The following STPG2 variants were observed in gnomAD, a reference collection of about 807,000 sequenced individuals.
STPG2 encodes sperm-tail PG-rich repeat-containing protein 2.
Under a neutral mutation model 54.2 loss-of-function variants are expected in STPG2, and 56 were observed. The observed-to-expected ratio is 1.03, with a 90% CI of 0.83 to 1.29. STPG2 has a LOEUF of 1.29. STPG2 is among the 50% of genes most tolerant of loss of function. The pLI is 0.00. For missense variants in STPG2, 596 were observed against 544.9 expected (o/e 1.09, Z -0.93); for synonymous variants, 200 against 181.8 (o/e 1.10, Z -0.81).
At position 97,712,768 on chromosome 4, in the gene STPG2, G is replaced by A. The variant is rs2149008064; in HGVS notation, c.1251C>T (p.Pro417=). 1 of 1,608,970 alleles carries A rather than the reference G, an allele frequency of 6.2e-7. No homozygotes were observed. Among genetic ancestry groups the A allele is most frequent in the Admixed American group, 1.7e-5 (1 of 59,710 alleles). ...AGCGCTTTGATGCTTTCACAAATAA[G>A]GGTATGGGGCAAGATTTCCTTAAAA... is the stretch of plus-strand genomic sequence containing the variant. ...NPVLRKSCPI[P]LFVKASKRFE... is the part of the protein sequence containing the mutation. The change falls in exon 10 of 11, where the codon CCC becomes CCT. Residue 417 remains proline (P), a synonymous_variant. Coordinates refer to ENST00000295268, the MANE Select transcript of STPG2 (RefSeq NM_174952.3).
At chr4:97,970,303 A>G (rs963170868) in intron 7 of STPG2, among the ~76,000 whole-genome samples, 2 of 152,232 alleles carry the variant, frequency 1.3e-5, no homozygotes, top group Non-Finnish European at 2.9e-5. Context: ...AATTGGAAAA[A>G]AACTATTTTA....
intron 9 of STPG2, among the ~76,000 whole-genome samples, chr4:97,800,891 C>T (rs2149089624): frequency 6.6e-6 from 1 of 152,304 alleles, no homozygotes; most frequent in East Asian, 1.9e-4. Flanking sequence ...GCAGGCACCC[C>T]TCCCCCAGCC....
chr4:98,073,792 G>T (rs890584743), intron 5 of STPG2, among the ~76,000 whole-genome samples: 1 of 152,076 alleles, frequency 6.6e-6, no homozygotes, highest in Non-Finnish European at 1.5e-5. Context: ...ATTTGGCACT[G>T]CATATTTTAA....
intron 5 of STPG2, among the ~76,000 whole-genome samples, chr4:97,993,459 T>C (rs902172350): frequency 1.3e-5 from 2 of 152,330 alleles, no homozygotes; most frequent in African/African-American, 2.4e-5. Context: ...CTTTTGTATA[T>C]GCTGTTGGAT....
intron 5 of STPG2, among the ~76,000 whole-genome samples, chr4:98,103,106 G>A (rs1389340349): frequency 8.0e-6 from 1 of 125,176 alleles, no homozygotes; most frequent in Non-Finnish European, 1.8e-5. Context: ...TCCTCTCCAT[G>A]AGCTCTTCTT....
intron 8 of STPG2, among the ~76,000 whole-genome samples, chr4:97,869,453 C>T (rs571480283): frequency 6.6e-6 from 1 of 151,494 alleles, no homozygotes; most frequent in Non-Finnish European, 1.5e-5. Flanking sequence ...AACAGATAAG[C>T]TTTTGACATT....
At chr4:97,998,383 A>G (rs753796498) in intron 5 of STPG2, among the ~76,000 whole-genome samples, 16 of 152,226 alleles carry the variant, frequency 1.1e-4, no homozygotes, top group Non-Finnish European at 2.1e-4. Context: ...CTGAGGTGTC[A>G]TACATGTAAA....
At chr4:97,613,492 GT>G (rs1213752208) in intron 10 of STPG2, among the ~76,000 whole-genome samples, 2 of 119,054 alleles carry the variant, frequency 1.7e-5, no homozygotes, top group Non-Finnish European at 3.0e-5. Flanking sequence ...GTGTGTGTGT[GT>G]GTGTGTGTGT....
At chr4:97,485,416 G>A (rs898389844) in intron 4 of STPG2, among the ~76,000 whole-genome samples, 4 of 151,648 alleles carry the variant, frequency 2.6e-5, no homozygotes, top group East Asian at 1.9e-4. Flanking sequence ...CACCAACAGC[G>A]GCCAAGTGGA....
intron 5 of STPG2, among the ~76,000 whole-genome samples, chr4:98,009,493 C>G (rs1027914316): frequency 6.6e-6 from 1 of 151,858 alleles, no homozygotes; most frequent in Non-Finnish European, 1.5e-5. Flanking sequence ...GTTTTGTAGT[C>G]CAACATATGA....
At chr4:97,972,184 A>G in intron 7 of STPG2, 96 bp downstream of exon 7, 1 of 817,728 alleles carries the variant, frequency 1.2e-6, no homozygotes, top group South Asian at 3.3e-5. Context: ...TAACTATTTG[A>G]CATCCTTTTC....
At chr4:97,517,915 C>G (rs555376631) in intron 4 of STPG2, among the ~76,000 whole-genome samples, 14 of 131,342 alleles carry the variant, frequency 1.1e-4, no homozygotes, top group Admixed American at 4.2e-4. Flanking sequence ...GAATATCAAC[C>G]ATGTTGTCTT....
chr4:97,642,520 ACTT>A (rs1380417217), intron 10 of STPG2, among the ~76,000 whole-genome samples: 1 of 151,436 alleles, frequency 6.6e-6, no homozygotes, highest in Non-Finnish European at 1.5e-5. Flanking sequence ...TATTATATCA[ACTT>A]CTCAGGACCA....
intron 4 of STPG2, among the ~76,000 whole-genome samples, chr4:97,516,385 C>A (rs922529023): frequency 1.3e-5 from 2 of 152,126 alleles, no homozygotes; most frequent in African/African-American, 4.8e-5. Context: ...TTGTAATGCA[C>A]AGTGTACCAT....
chr4:97,541,759 G>A (rs1381341508), intron 4 of STPG2, among the ~76,000 whole-genome samples: 2 of 152,064 alleles, frequency 1.3e-5, no homozygotes, highest in African/African-American at 2.4e-5. Context: ...CATGGTACTG[G>A]TACCAAAACA....
At chr4:97,835,962 T>C (rs1728619047) in intron 9 of STPG2, among the ~76,000 whole-genome samples, 2 of 152,084 alleles carry the variant, frequency 1.3e-5, no homozygotes, top group African/African-American at 4.8e-5. Context: ...CTTGAAAGGA[T>C]GAGGAGTTGA....
chr4:97,880,359 T>G (rs1300227714), intron 8 of STPG2, among the ~76,000 whole-genome samples: 1 of 152,184 alleles, frequency 6.6e-6, no homozygotes, highest in Non-Finnish European at 1.5e-5. Context: ...AAATAGCAAC[T>G]GGCAAAGACA....
Position 97,550,665 on chromosome 4 carries a change from G to A in STPG2, c.462+162034C>T, listed in dbSNP as rs569142819. Among the ~76,000 whole-genome samples the A allele has an allele frequency of 5.3e-5, 8 of 152,010 alleles. No individual in the cohort carries two copies. The South Asian group carries it at 6.2e-4, about 12-fold the overall frequency. On this transcript the variant is annotated intron_variant, in intron 4 of 4. Transcript: ENST00000522676. ...TCGCTAACTTCAAGAATGAAGCTGC[G>A]GACCCTTGTGGTGAGTATTACAGTT...
At chr4:97,683,937 A>G (rs951517807) in intron 10 of STPG2, among the ~76,000 whole-genome samples, 1 of 151,830 alleles carries the variant, frequency 6.6e-6, no homozygotes, top group African/African-American at 2.4e-5. Flanking sequence ...ACATACACAA[A>G]AGTCAGTTGC....
Sources: gnomAD v4.1 joint callset for allele counts (sites outside exome capture counted in the v4.1 genomes callset) on GRCh38, gnomAD v4.1.1 for gene constraint, MANE v1.5 for transcripts, NCBI Gene and HGNC (gene_info 2026-07-23, HGNC 2026-07-21) for gene names.